The following GMPS variants were observed in gnomAD, a reference collection of about 807,000 sequenced individuals.
The protein encoded by GMPS is GMP synthase [glutamine-hydrolyzing].
A neutral mutation model predicts 77.9 loss-of-function variants in GMPS; 15 were observed. The observed-to-expected ratio is 0.19, with a 90% CI of 0.13 to 0.30. The LOEUF is 0.30. Ranked by LOEUF, GMPS falls within the 10% of genes least tolerant of loss-of-function variation. GMPS has a pLI of 1.00. For synonymous variants in GMPS, 224 were observed against 275.9 expected (o/e 0.81, Z 1.86); for missense variants, 590 against 838.8 (o/e 0.70, Z 3.66).
At chr3:155,908,261 G>A (rs1403340195) in intron 5 of GMPS, among the ~76,000 whole-genome samples, 1 of 152,236 alleles carries the variant, frequency 6.6e-6, no homozygotes, top group Non-Finnish European at 1.5e-5. Context: ...GGGAGAACAG[G>A]GTGGGGCCAC....
chr3:155,873,779 C>T (rs566494180), intron 1 of GMPS, among the ~76,000 whole-genome samples: 69 of 151,694 alleles, frequency 4.5e-4, no homozygotes, highest in Non-Finnish European at 3.5e-4. Context: ...GAACTACAGG[C>T]GCCCGCCACC....
intron 10 of GMPS, among the ~76,000 whole-genome samples, chr3:155,920,014 A>G (rs1199007640): frequency 6.6e-6 from 1 of 152,198 alleles, no homozygotes; most frequent in Non-Finnish European, 1.5e-5. Flanking sequence ...TTGAATTGAA[A>G]AGCATAATAA....
chr3:155,934,253 A>G (rs1332731617), intron 13 of GMPS, among the ~76,000 whole-genome samples: 1 of 152,220 alleles, frequency 6.6e-6, no homozygotes, highest in Non-Finnish European at 1.5e-5. Context: ...CCCATAACAA[A>G]TCACCACAAA....
At chr3:155,923,726 G>T (rs551742585) in intron 11 of GMPS, among the ~76,000 whole-genome samples, 1 of 152,340 alleles carries the variant, frequency 6.6e-6, no homozygotes, top group African/African-American at 2.4e-5. Context: ...TAAAGGCAAT[G>T]ATTTTCAACC....
chr3:155,923,379 G>GA (rs748357261), intron 11 of GMPS, among the ~76,000 whole-genome samples: 113 of 152,058 alleles, frequency 7.4e-4, no homozygotes, highest in Non-Finnish European at 1.4e-3. Flanking sequence ...GGAAATAATA[G>GA]AAAAAAATGT....
chr3:155,892,856 T>G (rs1371825166), intron 1 of GMPS, among the ~76,000 whole-genome samples: 2 of 152,244 alleles, frequency 1.3e-5, no homozygotes, highest in Admixed American at 6.5e-5. Flanking sequence ...GGTCTTGAAC[T>G]CGTGACCTCA....
chr3:155,872,035 G>C (rs1577493548), intron 1 of GMPS, among the ~76,000 whole-genome samples: 3 of 152,140 alleles, frequency 2.0e-5, no homozygotes, highest in African/African-American at 7.2e-5. Context: ...GCTGTTGAGG[G>C]CCTAGCTTTA....
At chr3:155,876,941 A>G (rs1754063825) in intron 1 of GMPS, among the ~76,000 whole-genome samples, 1 of 152,212 alleles carries the variant, frequency 6.6e-6, no homozygotes, top group African/African-American at 2.4e-5. Flanking sequence ...ATGTTTCCCA[A>G]ACCTTTAAAG....
At chr3:155,882,026 C>G (rs1372475573) in intron 1 of GMPS, among the ~76,000 whole-genome samples, 2 of 152,052 alleles carry the variant, frequency 1.3e-5, no homozygotes, top group Non-Finnish European at 2.9e-5. Flanking sequence ...TGAGGTCGCA[C>G]CACCGCACTC....
In GMPS at chr3:155,931,889, C is replaced by T. The variant is rs1230889117; in HGVS notation, c.1676+9C>T. Reference sequence around the variant, plus strand: ...TGTCACAACGTTAACAGGTGTGTTTCACAGGAGCTAGGGTGGGGGCTTGTG... The same window carrying T: ...TGTCACAACGTTAACAGGTGTGTTTTACAGGAGCTAGGGTGGGGGCTTGTG... On this transcript the variant is annotated intron_variant, in intron 13 of 15. Coordinates refer to ENST00000496455, the MANE Select transcript of GMPS (RefSeq NM_003875.3). The T allele has an allele frequency of 8.0e-7, 1 of 1,244,022 alleles. No homozygotes were observed. Among genetic ancestry groups the T allele is most frequent in the South Asian group, 1.2e-5 (1 of 82,956 alleles). 77.1% of individuals were successfully genotyped at this position (1,244,022 alleles called of 1,614,324 possible). A position where few individuals can be genotyped will look rare whatever the true frequency, so the allele number is the denominator to read the frequency against.
intron 2 of GMPS, among the ~76,000 whole-genome samples, chr3:155,896,751 T>TTTAA (rs369655100): frequency 7.9e-6 from 1 of 125,918 alleles, no homozygotes; most frequent in Non-Finnish European, 1.8e-5. Context: ...TTTTTTTTTT[T>TTTAA]TATAAATTTG....
intron 1 of GMPS, among the ~76,000 whole-genome samples, chr3:155,873,337 G>T (rs1243198373): frequency 6.6e-6 from 1 of 151,924 alleles, no homozygotes; most frequent in Non-Finnish European, 1.5e-5. Context: ...ACCCAAGCTG[G>T]AGTGCAGTGG....
chr3:155,895,954 C>T (rs1457966431), intron 2 of GMPS, among the ~76,000 whole-genome samples: 1 of 150,046 alleles, frequency 6.7e-6, no homozygotes, highest in Non-Finnish European at 1.5e-5. Flanking sequence ...ATCTAGAGGT[C>T]TTGATTATTC....
At chr3:155,927,712 T>G (rs1755492259) in intron 12 of GMPS, among the ~76,000 whole-genome samples, 1 of 152,204 alleles carries the variant, frequency 6.6e-6, no homozygotes, top group African/African-American at 2.4e-5. Flanking sequence ...TTCTTTGTAT[T>G]TCTACTCTCC....
chr3:155,897,819 G>T, intron 2 of GMPS, 108 bp from the exon 3 acceptor site: 1 of 649,986 alleles, frequency 1.5e-6, no homozygotes, highest in Non-Finnish European at 2.8e-6. Context: ...CAAAAACAAC[G>T]CAATTTCTGG....
rs1755851606 is a variant in GMPS at position 155,940,001 on chromosome 3, C to T, written c.*2309C>T. On this transcript the variant is annotated 3_prime_UTR_variant, in exon 16 of 16. Transcript: ENST00000496455. ...CAGATTGTCCTGATGTGTATTCTGA[C>T]ACCTAAAATTATATAAACATTTATG... 4.9e-6 allele frequency: 1 copy of T among 205,426 alleles called. No individual in the cohort carries two copies. Among genetic ancestry groups the T allele is most frequent in the South Asian group, 1.9e-4 (1 of 5,296 alleles). 12.7% of individuals were successfully genotyped at this position (205,426 alleles called of 1,614,324 possible).
At chr3:155,911,889 TTATG>T (rs1304916793) in intron 7 of GMPS, among the ~76,000 whole-genome samples, 1 of 152,032 alleles carries the variant, frequency 6.6e-6, no homozygotes, top group Non-Finnish European at 1.5e-5. Flanking sequence ...TTAATGATAT[TTATG>T]TACGAGGCTA....
chr3:155,893,747 G>T, intron 2 of GMPS, 48 bp downstream of exon 2: 1 of 1,007,114 alleles, frequency 9.9e-7, no homozygotes, highest in Non-Finnish European at 1.4e-6. Context: ...CTTAGATTGT[G>T]GAATATTTTA....
At chr3:155,904,069 A>G in intron 4 of GMPS, 109 bp downstream of exon 4, 1 of 554,492 alleles carries the variant, frequency 1.8e-6, no homozygotes, top group Non-Finnish European at 3.2e-6. Flanking sequence ...AATTAAGGGT[A>G]TAGTAGTGAC....
Sources: gnomAD v4.1 joint callset for allele counts (sites outside exome capture counted in the v4.1 genomes callset) on GRCh38, gnomAD v4.1.1 for gene constraint, MANE v1.5 for transcripts, NCBI Gene and HGNC (gene_info 2026-07-23, HGNC 2026-07-21) for gene names.